RGSL1: variants seen among roughly 807,000 people sequenced by gnomAD.
RGSL1 encodes the protein regulator of G protein signaling like 1, also known as regulator of G protein signaling protein-like.
RGSL1 carries 97 observed loss-of-function variants against 124.7 expected under a neutral mutation model. That is an observed-to-expected ratio of 0.78 (90% confidence interval 0.66 to 0.92). The LOEUF (loss-of-function observed/expected upper bound fraction) is 0.92. RGSL1 is among the 40% of genes least tolerant of loss of function. The pLI, the probability that RGSL1 is intolerant of heterozygous loss-of-function variation, is 0.00. For synonymous variants in RGSL1, 424 were observed against 438.1 expected (o/e 0.97, Z 0.40); for missense variants, 1,233 against 1,288.4 (o/e 0.96, Z 0.66).
At chr1:182,463,800 T>C (rs1653048660) in intron 4 of RGSL1, among the ~76,000 whole-genome samples, 1 of 152,054 alleles carries the variant, frequency 6.6e-6, no homozygotes, top group Admixed American at 6.6e-5. Flanking sequence ...TAATAATGAA[T>C]AGAATAGTAA....
rs1654145306 is a variant in RGSL1 at position 182,474,673 on chromosome 1, G to A, written c.1431+131G>A. ...CACATAAACCTTTACATATTGAAGA[G>A]TTGGTTGATCTGTTAAGGCAGGGGT... On this transcript the variant is annotated intron_variant, in intron 6 of 21. Transcript: ENST00000294854. 4.5e-6 allele frequency: 6 copies of A among 1,335,264 alleles called. No homozygotes were observed. The South Asian group carries it at 7.8e-5, about 17-fold the overall frequency. The allele number at this position is 1,335,264 out of a possible 1,614,324, so 82.7% of individuals were successfully genotyped here.
chr1:182,555,332 G>C (rs968822339), intron 20 of RGSL1: 2 of 154,354 alleles, frequency 1.3e-5, no homozygotes, highest in African/African-American at 4.8e-5. Flanking sequence ...TTTTATGACT[G>C]TTTAGTATTA....
intron 3 of RGSL1, among the ~76,000 whole-genome samples, chr1:182,459,795 T>C (rs949188183): frequency 4.6e-5 from 7 of 152,232 alleles, no homozygotes; most frequent in African/African-American, 1.7e-4. Context: ...ACAGATCCAT[T>C]TACTTCTTTG....
At chr1:182,532,491 C>T (rs1166320575) in intron 13 of RGSL1, among the ~76,000 whole-genome samples, 171 bp from the exon 14 acceptor site, 1 of 152,150 alleles carries the variant, frequency 6.6e-6, no homozygotes, top group Non-Finnish European at 1.5e-5. Flanking sequence ...GCAGATTGTA[C>T]AAGCTCTCTA....
At chr1:182,510,763 C>T (rs998119563) in intron 9 of RGSL1, among the ~76,000 whole-genome samples, 11 of 151,184 alleles carry the variant, frequency 7.3e-5, no homozygotes, top group African/African-American at 2.7e-4. Flanking sequence ...AGCTTTTGCC[C>T]ATTTTTAAGT....
At chr1:182,540,541 T>G in intron 15 of RGSL1, 120 bp downstream of exon 15, 1 of 754,414 alleles carries the variant, frequency 1.3e-6, no homozygotes, top group Non-Finnish European at 1.9e-6. Flanking sequence ...CCAGTAAGAG[T>G]CTCTCCTTCT....
At chr1:182,511,558 G>A (rs1024154419) in intron 9 of RGSL1, among the ~76,000 whole-genome samples, 1 of 152,186 alleles carries the variant, frequency 6.6e-6, no homozygotes, top group Non-Finnish European at 1.5e-5. Flanking sequence ...AAGATGAGTT[G>A]GCTGTAAAGG....
chr1:182,510,792 A>G (rs904270701), intron 9 of RGSL1, among the ~76,000 whole-genome samples: 8 of 151,862 alleles, frequency 5.3e-5, no homozygotes, highest in Non-Finnish European at 1.0e-4. Context: ...TTGGTTTGCT[A>G]TTGCGTTGTT....
chr1:182,517,422 T>G (rs1354752726), intron 9 of RGSL1, among the ~76,000 whole-genome samples: 1 of 129,148 alleles, frequency 7.7e-6, no homozygotes, highest in East Asian at 2.1e-4. Flanking sequence ...CTTTCTCAAG[T>G]TTTGGAAAGT....
chr1:182,497,500 T>C (rs1317280257), intron 9 of RGSL1, among the ~76,000 whole-genome samples: 1 of 151,942 alleles, frequency 6.6e-6, no homozygotes, highest in Non-Finnish European at 1.5e-5. Context: ...AAATCCTTTA[T>C]TGAACCACTT....
At chr1:182,509,751 T>C (rs1271414564) in intron 9 of RGSL1, among the ~76,000 whole-genome samples, 14 of 131,478 alleles carry the variant, frequency 1.1e-4, no homozygotes, top group African/African-American at 2.9e-4. Context: ...ATGGCACGGC[T>C]GGCCGGGTGG....
Position 182,474,134 on chromosome 1 carries a change from C to T in RGSL1, c.1023C>T (p.His341=), listed in dbSNP as rs1654085631. 8 of 1,552,048 alleles carry T rather than the reference C, an allele frequency of 5.2e-6. No individual in the cohort carries two copies. The highest frequency in any genetic ancestry group is 1.7e-4 in the Middle Eastern group (1 of 5,996). Residue 341 remains histidine, a synonymous_variant, in exon 6 of 22, where the codon CAC becomes CAT. Coordinates refer to ENST00000294854, the MANE Select transcript of RGSL1 (RefSeq NM_001137669.2). ...CCTTTGAGACAAAGGTCTCTACCCACCTGAGGACTGTCATCCCCATTGTCA... is the reference window on the plus strand; with the variant it reads ...CCTTTGAGACAAAGGTCTCTACCCATCTGAGGACTGTCATCCCCATTGTCA... ...EAPFETKVST[H]LRTVIPIVNH...
At chr1:182,474,676 G>A (rs1195874193) in intron 6 of RGSL1, 134 bp downstream of exon 6, 6 of 1,326,778 alleles carry the variant, frequency 4.5e-6, no homozygotes, top group Non-Finnish European at 5.0e-6. Flanking sequence ...TTGAAGAGTT[G>A]GTTGATCTGT....
intron 4 of RGSL1, among the ~76,000 whole-genome samples, chr1:182,465,969 C>G (rs983048910): frequency 1.3e-5 from 2 of 151,878 alleles, no homozygotes; most frequent in African/African-American, 4.8e-5. Context: ...AACACCATGA[C>G]CAAAAGGGAT....
intron 4 of RGSL1, chr1:182,460,506 C>A (rs1262924098): frequency 8.0e-6 from 3 of 376,388 alleles, no homozygotes; most frequent in South Asian, 6.1e-5. Context: ...TTAGAACCAA[C>A]AGATTTCACC....
chr1:182,542,069 GC>G (rs2102303456), intron 15 of RGSL1, among the ~76,000 whole-genome samples: 1 of 152,246 alleles, frequency 6.6e-6, no homozygotes, highest in Non-Finnish European at 1.5e-5. Flanking sequence ...CTGTGCAGAA[GC>G]TTTTTAGCTT....
chr1:182,507,428 G>A (rs903295219), intron 9 of RGSL1, among the ~76,000 whole-genome samples: 4 of 151,942 alleles, frequency 2.6e-5, no homozygotes, highest in Non-Finnish European at 4.4e-5. Flanking sequence ...CATACTCCTT[G>A]TCTTCATGAA....
chr1:182,509,667 G>A (rs1199331763), intron 9 of RGSL1, among the ~76,000 whole-genome samples: 2 of 138,348 alleles, frequency 1.4e-5, no homozygotes, highest in East Asian at 2.4e-4. Context: ...CGGGCGGGGG[G>A]CTGAACCCCC....
At chr1:182,450,143 T>C (rs144577468), upstream of RGSL1, 147 of 1,551,972 alleles carry the variant, frequency 9.5e-5, 1 homozygote, top group African/African-American at 1.6e-3. Context: ...AACAAATTAC[T>C]GTGTCAGGAA....
Sources: allele counts gnomAD v4.1 joint callset (sites outside exome capture counted in the v4.1 genomes callset), GRCh38; gene constraint gnomAD v4.1.1; transcripts MANE v1.5; gene names NCBI Gene and HGNC (gene_info 2026-07-23, HGNC 2026-07-21).